The following PHC1 variants were observed in gnomAD, a reference collection of about 807,000 sequenced individuals.
PHC1 encodes the protein polyhomeotic homolog 1.
A neutral mutation model predicts 104.3 loss-of-function variants in PHC1; 12 were observed. That is an observed-to-expected ratio of 0.12 (90% confidence interval 0.07 to 0.19). The LOEUF is 0.19. Among genes scored for constraint, PHC1 ranks in the 10% least tolerant of loss-of-function variants. The pLI, the probability that PHC1 is intolerant of heterozygous loss-of-function variation, is 1.00. For missense variants in PHC1, 671 were observed against 1,200.0 expected, an observed-to-expected ratio of 0.56 and a Z score of 6.51; for synonymous variants, 302 against 455.8, an observed-to-expected ratio of 0.66 and a Z score of 4.30.
chr12:8,914,609 G>C lies in PHC1; in HGVS notation c.-267G>C, dbSNP rs918488625. On this transcript the variant is annotated 5_prime_UTR_variant, in exon 1 of 15. Transcript: ENST00000544916. Reference sequence around the variant, plus strand: ...CCGGAGGCCTGGCTGAGCCGCGGCCGGGCCCGCACCCGGAGCGGCGGGAGG... The same window carrying C: ...CCGGAGGCCTGGCTGAGCCGCGGCCCGGCCCGCACCCGGAGCGGCGGGAGG... The C allele has an allele frequency of 6.0e-5, 9 of 150,908 alleles. No homozygotes were observed. Among genetic ancestry groups the C allele is most frequent in the African/African-American group, 1.5e-4 (6 of 41,372 alleles). 9.3% of individuals were successfully genotyped at this position (150,908 alleles called of 1,614,324 possible). A position where few individuals can be genotyped will look rare whatever the true frequency, so the allele number is the denominator to read the frequency against.
Position 8,914,734 on chromosome 12 carries a change from C to A in PHC1, c.-142C>A, listed in dbSNP as rs917976566. 1.3e-5 allele frequency: 2 copies of A among 152,208 alleles called. No homozygotes were observed. The highest frequency in any genetic ancestry group is 2.9e-5 in the Non-Finnish European group (2 of 68,040). The allele number at this position is 152,208 out of a possible 1,614,324, so 9.4% of individuals were successfully genotyped here. On this transcript the variant is annotated 5_prime_UTR_variant, in exon 1 of 15. Coordinates refer to ENST00000544916, the MANE Select transcript of PHC1 (RefSeq NM_004426.3). Reference sequence around the variant, plus strand: ...GGCGAGGGGAGCCCGCCGCGGAGGCCGAGCGAGCCCCCAGCCCAGCCTGGC... The same window carrying A: ...GGCGAGGGGAGCCCGCCGCGGAGGCAGAGCGAGCCCCCAGCCCAGCCTGGC...
rs770619730 is a variant in PHC1, at chr12:8,922,628, G to T, written c.457-5G>T. 1 of 1,562,178 alleles carries T rather than the reference G, an allele frequency of 6.4e-7. No homozygotes were observed. Among genetic ancestry groups the T allele is most frequent in the South Asian group, 1.2e-5 (1 of 84,776 alleles). ...CTTTGCTCTTCCTCTTCCTCTCCTTGCCAGCCACAGCTGGGAAACCTATTG... is the reference window on the plus strand; with the variant it reads ...CTTTGCTCTTCCTCTTCCTCTCCTTTCCAGCCACAGCTGGGAAACCTATTG... On this transcript the variant is annotated splice_region_variant and splice_polypyrimidine_tract_variant and intron_variant, in intron 5 of 14. Transcript: ENST00000544916.
intron 5 of PHC1, 118 bp downstream of exon 5, chr12:8,921,868 C>T (rs933127261): frequency 1.5e-5 from 14 of 965,408 alleles, no homozygotes; most frequent in Admixed American, 2.8e-5. Context: ...GGCTGGAGTG[C>T]AGTGGCACAA....
chr12:8,929,073 G>A (rs1451755726), intron 6 of PHC1, among the ~76,000 whole-genome samples: 3 of 152,134 alleles, frequency 2.0e-5, no homozygotes, highest in African/African-American at 7.2e-5. Flanking sequence ...GTGTGTGAAT[G>A]TTCAACTTTA....
At chr12:8,914,392 G>T (rs1015111714), upstream of PHC1, among the ~76,000 whole-genome samples, 2 of 150,028 alleles carry the variant, frequency 1.3e-5, no homozygotes, top group African/African-American at 4.9e-5. Context: ...AACGGGCGCC[G>T]GCAGGAAACG....
chr12:8,940,403 AAG>A lies in PHC1; in HGVS notation c.*945_*946del. ...TTAATCATTAAGAGTTTTTGTACAA[AAG>A]GTGATGGTTTTTTTTCTTCATTTTA... On this transcript the variant is annotated 3_prime_UTR_variant, in exon 15 of 15. Coordinates refer to ENST00000544916, the MANE Select transcript of PHC1 (RefSeq NM_004426.3). The A allele has an allele frequency of 5.3e-6, 1 of 187,642 alleles. No homozygotes were observed. The highest frequency in any genetic ancestry group is 5.4e-5 in the Admixed American group (1 of 18,562). 11.6% of individuals were successfully genotyped at this position (187,642 alleles called of 1,614,324 possible).
At chr12:8,931,111 T>C (rs1945671668) in intron 7 of PHC1, among the ~76,000 whole-genome samples, 184 bp downstream of exon 7, 1 of 152,154 alleles carries the variant, frequency 6.6e-6, no homozygotes, top group African/African-American at 2.4e-5. Context: ...GGAGGACAAG[T>C]GACAGATACA....
intron 1 of PHC1, chr12:8,915,777 G>T (rs1189665178): frequency 6.6e-6 from 1 of 152,370 alleles, no homozygotes; most frequent in Non-Finnish European, 1.5e-5. Context: ...CCTGGTTTTG[G>T]TGGCAGTTTC....
At chr12:8,914,230 A>G (rs1196683366), upstream of PHC1, among the ~76,000 whole-genome samples, 1 of 151,546 alleles carries the variant, frequency 6.6e-6, no homozygotes, top group Non-Finnish European at 1.5e-5. Flanking sequence ...TGCGTTCCCC[A>G]CTAGAGGCCA....
chr12:8,921,576 C>T, intron 4 of PHC1, 25 bp from the exon 5 acceptor site: 1 of 1,612,712 alleles, frequency 6.2e-7, no homozygotes, highest in Non-Finnish European at 8.5e-7. Flanking sequence ...AATCCTTAGT[C>T]CTGGTTCCTT....
In PHC1 at chr12:8,921,718, C is replaced by G. The variant is rs1352502573; in HGVS notation, c.424C>G (p.Leu142Val). 1.9e-6 allele frequency: 3 copies of G among 1,612,580 alleles called. No homozygotes were observed. In the African/African-American group the frequency reaches 4.0e-5, roughly 22 times the overall value. ...ACTGGGGAACACCACCTCCCCACCC[C>G]TCAACCAGTCTCAGGCCCAGATGTA... ...VLLGNTTSPP[L>V]NQSQAQMYLR... is the part of the protein sequence containing the mutation. Residue 142 changes from leucine (L) to valine (V), a missense_variant, in exon 5 of 15, where the codon CTC becomes GTC. Leu to Val is a conservative substitution (Grantham distance 32). Around this residue, in one of 9 missense-constraint regions of PHC1, gnomAD observed 237 missense variants for 331.1 expected, o/e 0.72. Coordinates refer to ENST00000544916, the MANE Select transcript of PHC1 (RefSeq NM_004426.3).
At chr12:8,935,038 C>A (rs936691771) in intron 10 of PHC1, 86 bp from the exon 11 acceptor site, 2 of 673,212 alleles carry the variant, frequency 3.0e-6, no homozygotes, top group African/African-American at 3.7e-5. Context: ...CAAGCAGAGA[C>A]ATAATTGATG....
At chr12:8,925,389 A>G (rs1945487611) in intron 6 of PHC1, among the ~76,000 whole-genome samples, 2 of 152,202 alleles carry the variant, frequency 1.3e-5, no homozygotes, top group Admixed American at 1.3e-4. Context: ...CTCACAGACC[A>G]TTGAAACACC....
In PHC1 at chr12:8,921,631, C is replaced by G; in HGVS notation, c.337C>G (p.Leu113Val). The change falls in exon 5 of 15, where the codon CTC (leucine) becomes GTC (valine). Residue 113 changes from leucine (L) to valine (V), a missense_variant. Physicochemically the swap from Leu to Val is conservative, Grantham distance 32. Transcript: ENST00000544916. ...TCTGGCCACCACATCGGCCGCCCAG[C>G]TCATCAGCCGATCCCAGAGTGTGAG... ...INLATTSAAQ[L>V]ISRSQSVSSP... is the part of the protein sequence containing the mutation. 2.5e-6 allele frequency: 4 copies of G among 1,613,844 alleles called. No individual in the cohort carries two copies. The highest frequency in any genetic ancestry group is 3.4e-6 in the Non-Finnish European group (4 of 1,179,894).
At chr12:8,927,857 C>CT (rs1491019943) in intron 6 of PHC1, among the ~76,000 whole-genome samples, 1 of 29,432 alleles carries the variant, frequency 3.4e-5, no homozygotes, top group African/African-American at 1.5e-4. Flanking sequence ...TACTAGTTTT[C>CT]TTTCTTTCTT....
At position 8,919,914 on chromosome 12, in the gene PHC1, A is replaced by G. The variant is rs774623939; in HGVS notation, c.225+48A>G. 1.9e-6 allele frequency: 3 copies of G among 1,576,496 alleles called. No homozygotes were observed. The highest frequency in any genetic ancestry group is 3.7e-5 in the Admixed American group (2 of 53,878). ...GCCCGAGAGGGAGGGGACAGGCACT[A>G]CAGGTGGGTAGGGGAGATTTTTTGG... On this transcript the variant is annotated intron_variant, in intron 3 of 14. Coordinates refer to ENST00000544916, the MANE Select transcript of PHC1 (RefSeq NM_004426.3). The surrounding 1 kb of genome is among the most constrained non-coding windows in gnomAD (Gnocchi z 4.9).
intron 7 of PHC1, among the ~76,000 whole-genome samples, chr12:8,931,823 T>C (rs1236501842): frequency 6.6e-6 from 1 of 152,212 alleles, no homozygotes. Flanking sequence ...GATAATTTAC[T>C]CACAAAAAAA....
chr12:8,936,192 G>A (rs1321509029), intron 11 of PHC1, among the ~76,000 whole-genome samples: 1 of 152,198 alleles, frequency 6.6e-6, no homozygotes, highest in Non-Finnish European at 1.5e-5. Flanking sequence ...ACCAGCCTGA[G>A]CAACATAGTG....
intron 9 of PHC1, 87 bp downstream of exon 9, chr12:8,934,099 G>C (rs1307938944): frequency 2.0e-6 from 3 of 1,483,874 alleles, no homozygotes; most frequent in African/African-American, 2.8e-5. Context: ...TGGTTGAGTA[G>C]AAAATGGGCC....
Sources: allele counts gnomAD v4.1 joint callset (sites outside exome capture counted in the v4.1 genomes callset), GRCh38; gene constraint gnomAD v4.1.1; regional missense constraint gnomAD v4.1.1; non-coding constraint Gnocchi (gnomAD v3.1); transcripts MANE v1.5; gene names NCBI Gene and HGNC (gene_info 2026-07-23, HGNC 2026-07-21).